The following TNRC6B variants were observed in gnomAD, a reference collection of about 807,000 sequenced individuals.
TNRC6B encodes trinucleotide repeat-containing gene 6B protein.
Under a neutral mutation model 203.6 loss-of-function variants are expected in TNRC6B, and 52 were observed. That is an observed-to-expected ratio of 0.26 (90% CI 0.20 to 0.32). The LOEUF is 0.32. Among genes scored for constraint, TNRC6B ranks in the 10% least tolerant of loss-of-function variants. The pLI is 1.00. For synonymous variants in TNRC6B, 838 were observed against 845.7 expected (o/e 0.99, Z 0.16); for missense variants, 1,923 against 2,286.2 (o/e 0.84, Z 3.24).
At chr22:40,164,939 G>T (rs1355256101) in intron 4 of TNRC6B, among the ~76,000 whole-genome samples, 1 of 150,756 alleles carries the variant, frequency 6.6e-6, no homozygotes, top group Non-Finnish European at 1.5e-5. Context: ...CCACCACCAC[G>T]CCTGGCTAAT....
chr22:40,129,521 TC>T (rs1241180081), intron 3 of TNRC6B, among the ~76,000 whole-genome samples: 15 of 152,270 alleles, frequency 9.9e-5, no homozygotes, highest in African/African-American at 2.6e-4. Context: ...TGGATTGAGA[TC>T]CTTTTGCATC....
In TNRC6B at chr22:40,284,641, T is replaced by G. The variant is rs376710474; in HGVS notation, c.3583-1004T>G. ...AACAGTAGAAAGACAGAATGGAAAA[T>G]AACTATAGTGTGGTTTGATGAGTTT... On this transcript the variant is annotated intron_variant, in intron 11 of 22. Transcript: ENST00000454349. 2.0e-5 allele frequency among the ~76,000 whole-genome samples: 3 copies of G among 152,276 alleles called. No homozygotes were observed. The East Asian group carries it at 5.8e-4, about 29-fold the overall frequency.
rs982037548 is a variant in TNRC6B at position 40,333,694 on chromosome 22, T to C, written c.*10453T>C. 2.6e-5 allele frequency: 4 copies of C among 152,658 alleles called. No homozygotes were observed. Among genetic ancestry groups the C allele is most frequent in the Non-Finnish European group, 4.4e-5 (3 of 68,056 alleles). 9.5% of individuals were successfully genotyped at this position (152,658 alleles called of 1,614,324 possible). ...TTGGGAGGAAACTTGTGTAAGGAGATGTGCAAACCACCCTGAAAGCCATGT... is the reference window on the plus strand; with the variant it reads ...TTGGGAGGAAACTTGTGTAAGGAGACGTGCAAACCACCCTGAAAGCCATGT... On this transcript the variant is annotated 3_prime_UTR_variant, in exon 23 of 23. Coordinates refer to ENST00000454349, the MANE Select transcript of TNRC6B (RefSeq NM_001162501.2).
intron 21 of TNRC6B, among the ~76,000 whole-genome samples, chr22:40,319,518 C>T (rs1477392124): frequency 6.6e-6 from 1 of 151,328 alleles, no homozygotes; most frequent in African/African-American, 2.4e-5. Flanking sequence ...CTCCGCCTCC[C>T]GGGTTAATGC....
chr22:40,198,043 G>A (rs2069363950), intron 1 of TNRC6B, among the ~76,000 whole-genome samples: 1 of 152,110 alleles, frequency 6.6e-6, no homozygotes, highest in South Asian at 2.1e-4. Flanking sequence ...GATCTAAACT[G>A]TATTGAGTTT....
At chr22:40,318,564 T>A (rs1332561671) in intron 21 of TNRC6B, among the ~76,000 whole-genome samples, 3 of 151,936 alleles carry the variant, frequency 2.0e-5, no homozygotes, top group Non-Finnish European at 4.4e-5. Context: ...AAAAAATTTT[T>A]TTTTTAAGTT....
intron 1 of TNRC6B, among the ~76,000 whole-genome samples, chr22:40,051,605 C>T (rs564748581): frequency 6.6e-6 from 1 of 152,174 alleles, no homozygotes; most frequent in Non-Finnish European, 1.5e-5. Context: ...CCTCCCAAAT[C>T]GACCACAGGC....
intron 6 of TNRC6B, among the ~76,000 whole-genome samples, chr22:40,271,183 C>A (rs1341324680): frequency 6.6e-6 from 1 of 152,234 alleles, no homozygotes; most frequent in Admixed American, 6.5e-5. Flanking sequence ...ACTCTGTGGA[C>A]TGAGGCTATG....
chr22:40,179,148 C>T (rs368138438), intron 1 of TNRC6B, among the ~76,000 whole-genome samples: 1 of 152,170 alleles, frequency 6.6e-6, no homozygotes, highest in South Asian at 2.1e-4. Context: ...TGAAGCTGTG[C>T]AGTGCCTGAA....
intron 4 of TNRC6B, among the ~76,000 whole-genome samples, chr22:40,156,392 C>T (rs565837822): frequency 1.8e-4 from 27 of 152,254 alleles, no homozygotes; most frequent in African/African-American, 5.5e-4. Context: ...TTTTCACACT[C>T]GCCTAATCAA....
At chr22:40,288,951 T>C (rs1362523871) in intron 12 of TNRC6B, among the ~76,000 whole-genome samples, 1 of 149,420 alleles carries the variant, frequency 6.7e-6, no homozygotes, top group Admixed American at 6.7e-5. Flanking sequence ...GTAGCTAGGA[T>C]TACAAGCATG....
At chr22:40,264,214 G>C (rs1174234898) in intron 4 of TNRC6B, among the ~76,000 whole-genome samples, 2 of 152,186 alleles carry the variant, frequency 1.3e-5, no homozygotes, top group Non-Finnish European at 2.9e-5. Flanking sequence ...TAGAAAAGTT[G>C]GTTGGTCCCA....
At chr22:40,072,449 A>T (rs1214467346) in intron 1 of TNRC6B, among the ~76,000 whole-genome samples, 1 of 152,222 alleles carries the variant, frequency 6.6e-6, no homozygotes, top group African/African-American at 2.4e-5. Flanking sequence ...AATAAAGAAG[A>T]TCACGATGCA....
rs536688784 is a variant in TNRC6B at position 40,109,022 on chromosome 22, G to A, written c.-120-8033G>A. On this transcript the variant is annotated intron_variant, in intron 1 of 23. Transcript: ENST00000301923. Reference sequence around the variant, plus strand: ...TTGTTCAGCTCCTAATTATGAGTGAGAATATGCAGTGTTTGATTTTCTGTT... The same window carrying A: ...TTGTTCAGCTCCTAATTATGAGTGAAAATATGCAGTGTTTGATTTTCTGTT... Among the ~76,000 whole-genome samples, 8 of 150,602 alleles carry A rather than the reference G, an allele frequency of 5.3e-5. No homozygotes were observed. In the South Asian group the frequency reaches 1.7e-3, roughly 32 times the overall value.
chr22:40,108,829 A>G (rs57489771), intron 1 of TNRC6B, among the ~76,000 whole-genome samples: 8,705 of 152,266 alleles, frequency 0.057, 800 homozygotes, highest in African/African-American at 0.19. Flanking sequence ...GGTTTGTTAC[A>G]TAGGTAAACA....
Position 40,261,969 on chromosome 22 carries a change from C to G in TNRC6B, c.253C>G (p.Arg85Gly). Residue 85 changes from arginine (R) to glycine (G), a missense_variant, in exon 4 of 23, where the codon CGC becomes GGC. By Grantham distance (125) the Arg-to-Gly change is moderately radical. Coordinates refer to ENST00000454349, the MANE Select transcript of TNRC6B (RefSeq NM_001162501.2). Reference protein sequence around the residue: ...VPNGQPPSAARYMPREVPPRF... With the variant: ...VPNGQPPSAAGYMPREVPPRF... ...GAACGGACAACCGCCAAGCGCCGCC[C>G]GCTACATGCCTCGGGAGGTGCCGCC... is the stretch of plus-strand genomic sequence containing the variant. 1 of 1,612,650 alleles carries G rather than the reference C, an allele frequency of 6.2e-7. No homozygotes were observed.
rs571293531 is a variant in TNRC6B at position 40,121,710 on chromosome 22, C to T, written c.-46-4062C>T. ...CCAGCATCACCACCACCGCCACAAC[C>T]GTCTGTGGCTTGTTTCTTGATGAGG... On this transcript the variant is annotated intron_variant, in intron 2 of 23. Transcript: ENST00000301923. Among the ~76,000 whole-genome samples, 6 of 152,362 alleles carry T rather than the reference C, an allele frequency of 3.9e-5. No homozygotes were observed. The East Asian group carries it at 5.8e-4, about 15-fold the overall frequency.
At chr22:40,050,975 C>G (rs1296266604) in intron 1 of TNRC6B, among the ~76,000 whole-genome samples, 1 of 151,962 alleles carries the variant, frequency 6.6e-6, no homozygotes, top group African/African-American at 2.4e-5. Context: ...CAGGTGCGCA[C>G]CACCACACCT....
At chr22:40,208,637 G>T (rs2069518286) in intron 1 of TNRC6B, among the ~76,000 whole-genome samples, 1 of 152,142 alleles carries the variant, frequency 6.6e-6, no homozygotes, top group Non-Finnish European at 1.5e-5. Context: ...AGGGAAAGGT[G>T]GGATTATACA....
Sources: gnomAD v4.1 joint callset for allele counts (sites outside exome capture counted in the v4.1 genomes callset) on GRCh38, gnomAD v4.1.1 for gene constraint, MANE v1.5 for transcripts, NCBI Gene and HGNC (gene_info 2026-07-23, HGNC 2026-07-21) for gene names.